Variants in ZNRF3 observed in about 807,000 individuals in gnomAD.
The protein encoded by ZNRF3 is E3 ubiquitin-protein ligase ZNRF3.
Under a neutral mutation model 72.5 loss-of-function variants are expected in ZNRF3, and 23 were observed. The observed-to-expected ratio is 0.32, with a 90% confidence interval of 0.23 to 0.45. The LOEUF (loss-of-function observed/expected upper bound fraction) is 0.45, where lower values mean the gene tolerates loss of function less well. Among genes scored for constraint, ZNRF3 ranks in the 20% least tolerant of loss-of-function variants. ZNRF3 has a pLI of 1.00. For missense variants in ZNRF3, 1,169 were observed against 1,272.1 expected, an observed-to-expected ratio of 0.92 and a Z score of 1.23; for synonymous variants, 610 against 545.3, an observed-to-expected ratio of 1.12 and a Z score of -1.65.
At chr22:28,990,735 A>C (rs773352941) in intron 2 of ZNRF3, among the ~76,000 whole-genome samples, 1 of 152,160 alleles carries the variant, frequency 6.6e-6, no homozygotes, top group African/African-American at 2.4e-5. Context: ...TCCCCAAAGC[A>C]AAGGAGTCTA....
At chr22:29,001,059 CTTTTTT>C (rs773296494) in intron 2 of ZNRF3, among the ~76,000 whole-genome samples, 2 of 77,952 alleles carry the variant, frequency 2.6e-5, no homozygotes, top group African/African-American at 9.2e-5. Context: ...AAAGCTTTGC[CTTTTTT>C]TTTTTTTTTT....
At chr22:29,013,488 G>A (rs2036379991) in intron 2 of ZNRF3, among the ~76,000 whole-genome samples, 1 of 152,180 alleles carries the variant, frequency 6.6e-6, no homozygotes, top group Non-Finnish European at 1.5e-5. Context: ...ACGACACCTT[G>A]CCCTTTTGTC....
chr22:29,042,811 GTCA>G (rs1191996381), intron 3 of ZNRF3, among the ~76,000 whole-genome samples: 1 of 151,420 alleles, frequency 6.6e-6, no homozygotes, highest in African/African-American at 2.4e-5. Context: ...GTCTTGCTCT[GTCA>G]CCCAGGCTGG....
chr22:28,957,186 A>G (rs1322974995), intron 1 of ZNRF3, among the ~76,000 whole-genome samples: 1 of 152,164 alleles, frequency 6.6e-6, no homozygotes, highest in Non-Finnish European at 1.5e-5. Flanking sequence ...TGTCTTTGTC[A>G]AGGGCTTTTG....
intron 8 of ZNRF3, among the ~76,000 whole-genome samples, chr22:29,051,209 C>T (rs561823438): frequency 6.6e-6 from 1 of 152,240 alleles, no homozygotes; most frequent in East Asian, 1.9e-4. Context: ...TCATTTCCCC[C>T]TCTGCCCTGC....
chr22:29,014,152 G>A (rs971046149), intron 2 of ZNRF3, among the ~76,000 whole-genome samples: 8 of 152,208 alleles, frequency 5.3e-5, no homozygotes, highest in Admixed American at 3.9e-4. Context: ...CAGCCATTCC[G>A]AGTATTGCAG....
chr22:28,886,676 T>C (rs1399600419), intron 1 of ZNRF3, among the ~76,000 whole-genome samples: 1 of 152,196 alleles, frequency 6.6e-6, no homozygotes, highest in Non-Finnish European at 1.5e-5. Context: ...AAGAAAATAG[T>C]AGCCAGGCAT....
intron 8 of ZNRF3, among the ~76,000 whole-genome samples, chr22:29,051,481 G>A (rs1461264949): frequency 1.3e-5 from 2 of 152,012 alleles, no homozygotes; most frequent in African/African-American, 4.8e-5. Flanking sequence ...GCGGGTGCCT[G>A]TAGTCCCAGC....
chr22:28,908,149 T>C (rs1243522933), intron 1 of ZNRF3, among the ~76,000 whole-genome samples: 1 of 152,210 alleles, frequency 6.6e-6, no homozygotes, highest in African/African-American at 2.4e-5. Flanking sequence ...TCTGTTCAGC[T>C]AAAACAAAAA....
chr22:28,941,420 C>G (rs1338528173), intron 1 of ZNRF3, among the ~76,000 whole-genome samples: 1 of 152,142 alleles, frequency 6.6e-6, no homozygotes, highest in Non-Finnish European at 1.5e-5. Flanking sequence ...CTAAGCTTAC[C>G]AAACTGATAA....
rs753817132 is a variant in ZNRF3, at chr22:29,049,657, C to G, written c.1476C>G (p.Pro492=). 22 of 1,609,672 alleles carry G rather than the reference C, an allele frequency of 1.4e-5. No individual in the cohort carries two copies. Among genetic ancestry groups the G allele is most frequent in the Non-Finnish European group, 1.8e-5 (21 of 1,179,474 alleles). The part of the protein sequence containing the change: ...QEGQSPPSLA[P]RGPARAFPPS... ...GGCAGTCCCCACCTAGCCTCGCACC[C>G]CGGGGCCCGGCCCGTGCCTTTCCTC... The change falls in exon 8 of 9, where the codon CCC becomes CCG. Residue 492 remains proline (P), a synonymous_variant. Transcript: ENST00000544604. The surrounding 1 kb of genome is among the most constrained non-coding windows in gnomAD (Gnocchi z 5.2).
Position 29,049,258 on chromosome 22 carries a change from G to A in ZNRF3, c.1077G>A (p.Gln359=). Reference sequence around the variant, plus strand: ...CCAGCAACCTCTCACGTGGTCGGCAGCAGAGGGTGACCCTGCCGGTGCATT... The same window carrying A: ...CCAGCAACCTCTCACGTGGTCGGCAACAGAGGGTGACCCTGCCGGTGCATT... ...VETSNLSRGR[Q]QRVTLPVHYP... is the part of the protein sequence containing the mutation. Residue 359 remains glutamine, a synonymous_variant, in exon 8 of 9, where the codon CAG becomes CAA. Coordinates refer to ENST00000544604, the MANE Select transcript of ZNRF3 (RefSeq NM_001206998.2). The surrounding 1 kb of genome is among the most constrained non-coding windows in gnomAD (Gnocchi z 5.2). 6.2e-7 allele frequency: 1 copy of A among 1,613,724 alleles called. No individual in the cohort carries two copies.
chr22:28,963,124 C>T (rs1266226239), intron 1 of ZNRF3, among the ~76,000 whole-genome samples: 3 of 152,214 alleles, frequency 2.0e-5, no homozygotes, highest in African/African-American at 7.2e-5. Context: ...ACAGGAGACA[C>T]ACTAAACGGG....
At chr22:28,927,468 G>A (rs1348704160) in intron 1 of ZNRF3, among the ~76,000 whole-genome samples, 1 of 152,226 alleles carries the variant, frequency 6.6e-6, no homozygotes, top group Non-Finnish European at 1.5e-5. Context: ...TATATTAAAT[G>A]AGCATGTTTT....
At chr22:28,973,049 C>T (rs2035606036) in intron 1 of ZNRF3, among the ~76,000 whole-genome samples, 1 of 152,204 alleles carries the variant, frequency 6.6e-6, no homozygotes, top group Admixed American at 6.5e-5. Flanking sequence ...GTGGAGCCAT[C>T]ATGGCTTAAT....
At chr22:28,998,608 A>G (rs1347474397) in intron 2 of ZNRF3, among the ~76,000 whole-genome samples, 1 of 152,246 alleles carries the variant, frequency 6.6e-6, no homozygotes, top group East Asian at 1.9e-4. Context: ...TTCTAAGGTC[A>G]TATGTATGAT....
intron 1 of ZNRF3, among the ~76,000 whole-genome samples, chr22:28,980,461 A>G (rs1045912409): frequency 3.3e-5 from 5 of 152,248 alleles, no homozygotes; most frequent in South Asian, 4.1e-4. Flanking sequence ...ACAAGATTGC[A>G]TGATCTCAAA....
intron 2 of ZNRF3, among the ~76,000 whole-genome samples, chr22:29,021,902 A>G (rs1445981174): frequency 6.6e-6 from 1 of 152,030 alleles, no homozygotes; most frequent in Non-Finnish European, 1.5e-5. Flanking sequence ...ACACACATGC[A>G]CACACACACA....
chr22:28,920,154 C>T (rs754666643), intron 1 of ZNRF3, among the ~76,000 whole-genome samples: 1 of 150,094 alleles, frequency 6.7e-6, no homozygotes, highest in African/African-American at 2.5e-5. Flanking sequence ...TTGGTAGAAA[C>T]GGGGTTTCAC....
Sources: gnomAD v4.1 joint callset for allele counts (sites outside exome capture counted in the v4.1 genomes callset) on GRCh38, gnomAD v4.1.1 for gene constraint, Gnocchi (gnomAD v3.1) non-coding constraint, MANE v1.5 for transcripts, NCBI Gene and HGNC (gene_info 2026-07-23, HGNC 2026-07-21) for gene names.